EIF4ENIF1: variants seen among roughly 807,000 people sequenced by gnomAD.
The protein encoded by EIF4ENIF1 is eukaryotic translation initiation factor 4E nuclear import factor 1, also known as eukaryotic translation initiation factor 4E transporter.
In EIF4ENIF1, 23 loss-of-function variants were observed where a neutral mutation model predicts 110.5. That is an observed-to-expected ratio of 0.21 (90% CI 0.15 to 0.29). The LOEUF is 0.29. EIF4ENIF1 is among the 10% of genes least tolerant of loss of function. The pLI is 1.00. For missense variants in EIF4ENIF1, 1,031 were observed against 1,221.1 expected, an observed-to-expected ratio of 0.84 and a Z score of 2.32; for synonymous variants, 440 against 437.0, an observed-to-expected ratio of 1.01 and a Z score of -0.09.
intron 2 of EIF4ENIF1, among the ~76,000 whole-genome samples, chr22:31,478,800 A>C (rs957145408): frequency 3.3e-5 from 5 of 151,828 alleles, no homozygotes; most frequent in African/African-American, 1.2e-4. Context: ...AAATACAAAA[A>C]AATTAGCCGG....
rs775109585 is a variant in EIF4ENIF1, at chr22:31,455,169, G to A, written c.1246C>T (p.Leu416Phe). The A allele has an allele frequency of 6.2e-7, 1 of 1,612,274 alleles. No homozygotes were observed. The highest frequency in any genetic ancestry group is 1.1e-5 in the South Asian group (1 of 90,612). ...TTAAGTTTTTCTTTATTTGCAGAAA[G>A]GCTGGAAAGAAGAGGTTTCAAATCC... Reference protein sequence around the residue: ...KVDLKPLLSSLSANKEKLKES... With the variant: ...KVDLKPLLSSFSANKEKLKES... The change falls in exon 9 of 19, where the codon CTT becomes TTT. Residue 416 changes from leucine (L) to phenylalanine (F), a missense_variant. Physicochemically the swap from Leu to Phe is conservative, Grantham distance 22. Coordinates refer to ENST00000330125, the MANE Select transcript of EIF4ENIF1 (RefSeq NM_019843.4).
intron 2 of EIF4ENIF1, among the ~76,000 whole-genome samples, chr22:31,485,107 T>C (rs1001277104): frequency 6.6e-6 from 1 of 152,204 alleles, no homozygotes; most frequent in African/African-American, 2.4e-5. Context: ...TTGAAAACCA[T>C]GAAAGCACTA....
intron 2 of EIF4ENIF1, among the ~76,000 whole-genome samples, chr22:31,487,051 C>G (rs1256993613): frequency 6.6e-6 from 1 of 150,886 alleles, no homozygotes; most frequent in Non-Finnish European, 1.5e-5. Context: ...GCCTGGGCAA[C>G]AAGAGTAAAA....
intron 2 of EIF4ENIF1, among the ~76,000 whole-genome samples, chr22:31,486,159 A>G (rs1432354215): frequency 2.0e-5 from 3 of 152,114 alleles, no homozygotes; most frequent in African/African-American, 7.2e-5. Flanking sequence ...AATCCCAGCT[A>G]CTTGGGAGGC....
intron 2 of EIF4ENIF1, among the ~76,000 whole-genome samples, chr22:31,487,079 A>AT (rs1332763430): frequency 7.9e-5 from 12 of 152,156 alleles, no homozygotes; most frequent in African/African-American, 2.9e-4. Flanking sequence ...TCAAAAAAAA[A>AT]AAAGTACTGG....
chr22:31,462,956 G>C lies in EIF4ENIF1; in HGVS notation c.763C>G (p.Arg255Gly), dbSNP rs763886293. 2 of 1,613,900 alleles carry C rather than the reference G, an allele frequency of 1.2e-6. No homozygotes were observed. The highest frequency in any genetic ancestry group is 1.7e-6 in the Non-Finnish European group (2 of 1,179,960). The stretch of plus-strand genomic sequence containing the variant: ...CCTTCCTTCACAGAGGCTGTCCGTC[G>C]CCTTGTTCTTTTTCTCCCTTTGTGA... ...EDHKGRKRTR[R>G]RTASVKEGIV... The change falls in exon 6 of 19, where the codon CGA (arginine) becomes GGA (glycine). Residue 255 changes from arginine (R) to glycine (G), a missense_variant. Transcript: ENST00000330125.
downstream of EIF4ENIF1, among the ~76,000 whole-genome samples, chr22:31,437,502 T>C (rs1601541467): frequency 7.2e-6 from 1 of 139,266 alleles, no homozygotes; most frequent in Non-Finnish European, 1.5e-5. Flanking sequence ...CAAAATACTT[T>C]TGCTAAAACC....
Position 31,463,068 on chromosome 22 carries a change from T to C in EIF4ENIF1, c.651A>G (p.Glu217=). ...GTCCAGCAGAGAACCACTCTGGTTC[T>C]TCTTCTGTGTAAGAATCATTTCTTC... ...ERRRNDSYTE[E]EPEWFSAGPT... The change falls in exon 6 of 19, where the codon GAA becomes GAG. Residue 217 remains glutamate (E), a synonymous_variant. Coordinates refer to ENST00000330125, the MANE Select transcript of EIF4ENIF1 (RefSeq NM_019843.4). The C allele has an allele frequency of 6.2e-7, 1 of 1,614,194 alleles. No homozygotes were observed. The highest frequency in any genetic ancestry group is 1.1e-5 in the South Asian group (1 of 91,084).
Position 31,456,414 on chromosome 22 carries a change from G to A in EIF4ENIF1, c.964-427C>T, listed in dbSNP as rs573805335. Reference sequence around the variant, plus strand: ...AATTTTTTGTATTTTTAGTAGAGACGGGGTTTTACCGTGTTAGCCAGGATG... The same window carrying A: ...AATTTTTTGTATTTTTAGTAGAGACAGGGTTTTACCGTGTTAGCCAGGATG... On this transcript the variant is annotated intron_variant, in intron 7 of 18. Transcript: ENST00000330125. Among the ~76,000 whole-genome samples, 152 of 151,610 alleles carry A rather than the reference G, an allele frequency of 1.0e-3. 2 individuals are homozygous for A. The East Asian group carries it at 0.017, about 17-fold the overall frequency.
rs757114815 is a variant in EIF4ENIF1 at position 31,447,553 on chromosome 22, C to T, written c.1861G>A (p.Glu621Lys). Residue 621 changes from glutamate (E) to lysine (K), a missense_variant, in exon 14 of 19, where the codon GAG becomes AAG. Glu to Lys is a moderately conservative substitution (Grantham distance 56). This residue lies in a region of EIF4ENIF1 where 704 missense variants were observed against 879.7 expected (regional missense o/e 0.80). Transcript: ENST00000330125. ...SPITAQMSQL[E>K]LQQAALEGLA... is the part of the protein sequence containing the mutation. The stretch of plus-strand genomic sequence containing the variant: ...CCTTCTAAAGCTGCCTGTTGCAACT[C>T]CAGCTGGCTCATCTGCTGAAAAGGA... The T allele has an allele frequency of 6.2e-7, 1 of 1,603,692 alleles. No homozygotes were observed. The highest frequency in any genetic ancestry group is 8.5e-7 in the Non-Finnish European group (1 of 1,173,230).
rs188472251 is a variant in EIF4ENIF1, at chr22:31,460,649, T to A, written c.788-1999A>T. On this transcript the variant is annotated intron_variant, in intron 6 of 18. Transcript: ENST00000330125. ...GTCTCAAAAAAAAAAGAAAATTAAT[T>A]AAAAAAAAAAATAGAGGACTGGCGC... is the stretch of plus-strand genomic sequence containing the variant. Among the ~76,000 whole-genome samples, 4 of 132,220 alleles carry A rather than the reference T, an allele frequency of 3.0e-5. No homozygotes were observed. In the East Asian group the frequency reaches 8.7e-4, roughly 29 times the overall value. The allele number at this position is 132,220 out of a possible 152,430, so 86.7% of individuals were successfully genotyped here. A position where few individuals can be genotyped will look rare whatever the true frequency, so the allele number is the denominator to read the frequency against.
chr22:31,451,680 T>G (rs77518519), intron 10 of EIF4ENIF1, among the ~76,000 whole-genome samples: 26 of 151,660 alleles, frequency 1.7e-4, no homozygotes, highest in Middle Eastern at 6.8e-3. Context: ...TTTTTTTTTT[T>G]GGGACAGGTC....
At chr22:31,486,199 G>A (rs1299881451) in intron 2 of EIF4ENIF1, among the ~76,000 whole-genome samples, 1 of 151,952 alleles carries the variant, frequency 6.6e-6, no homozygotes, top group Non-Finnish European at 1.5e-5. Flanking sequence ...GAACCCCGGA[G>A]GCGGAGACTG....
intron 10 of EIF4ENIF1, among the ~76,000 whole-genome samples, chr22:31,451,781 C>G (rs954976613): frequency 3.9e-5 from 6 of 152,006 alleles, no homozygotes; most frequent in Non-Finnish European, 5.9e-5. Context: ...TGTACACCAC[C>G]AGGCCTGGCC....
At chr22:31,490,954 CCTT>C (rs2052256513), upstream of EIF4ENIF1, among the ~76,000 whole-genome samples, 1 of 152,198 alleles carries the variant, frequency 6.6e-6, no homozygotes, top group Non-Finnish European at 1.5e-5. Flanking sequence ...AACTCAGCTC[CCTT>C]CTTGTGAATC....
Position 31,455,832 on chromosome 22 carries a change from A to G in EIF4ENIF1, c.1099+20T>C. ...AAAACCCAGGTTTACCTTCAAGGGC[A>G]GAATCTGAAGCCATTTTACCTGCAA... On this transcript the variant is annotated intron_variant, in intron 8 of 18. Coordinates refer to ENST00000330125, the MANE Select transcript of EIF4ENIF1 (RefSeq NM_019843.4). The G allele has an allele frequency of 6.2e-7, 1 of 1,613,202 alleles. No individual in the cohort carries two copies. The highest frequency in any genetic ancestry group is 8.5e-7 in the Non-Finnish European group (1 of 1,179,632).
chr22:31,455,540 A>G (rs2050788646), intron 8 of EIF4ENIF1, among the ~76,000 whole-genome samples: 1 of 152,016 alleles, frequency 6.6e-6, no homozygotes, highest in African/African-American at 2.4e-5. Flanking sequence ...CTGGGACTAC[A>G]GATGCCCGCC....
chr22:31,468,741 T>C (rs1390137102), intron 3 of EIF4ENIF1, among the ~76,000 whole-genome samples: 2 of 152,202 alleles, frequency 1.3e-5, no homozygotes, highest in African/African-American at 4.8e-5. Flanking sequence ...TGCAGAATTG[T>C]TACCTCTTTT....
At chr22:31,441,550 G>GAAAAAA (rs771597260) in intron 17 of EIF4ENIF1, among the ~76,000 whole-genome samples, 62 of 65,234 alleles carry the variant, frequency 9.5e-4, no homozygotes, top group Admixed American at 5.2e-3. Context: ...CTACAAAAAG[G>GAAAAAA]AAAAAAAAAA....
Sources: gnomAD v4.1 joint callset for allele counts (sites outside exome capture counted in the v4.1 genomes callset) on GRCh38, gnomAD v4.1.1 for gene constraint, gnomAD v4.1.1 regional missense constraint, MANE v1.5 for transcripts, NCBI Gene and HGNC (gene_info 2026-07-23, HGNC 2026-07-21) for gene names.